NUGGC: variants seen among roughly 807,000 people sequenced by gnomAD.
The protein encoded by NUGGC is nuclear GTPase, germinal center associated, also known as nuclear GTPase SLIP-GC.
In NUGGC, 58 loss-of-function variants were observed where a neutral mutation model predicts 92.6. The observed-to-expected ratio is 0.63, with a 90% CI of 0.51 to 0.78. The LOEUF (loss-of-function observed/expected upper bound fraction) is 0.78. Ranked by LOEUF, NUGGC falls within the 30% of genes least tolerant of loss-of-function variation. The pLI is 0.00. For synonymous variants in NUGGC, 376 were observed against 366.4 expected (o/e 1.03, Z -0.30); for missense variants, 925 against 964.6 (o/e 0.96, Z 0.54).
intron 10 of NUGGC, among the ~76,000 whole-genome samples, chr8:28,047,884 C>T (rs192842108): frequency 6.6e-6 from 1 of 152,264 alleles, no homozygotes; most frequent in East Asian, 1.9e-4. Flanking sequence ...GAAAATAATT[C>T]AAAGTTGTAT....
chr8:28,061,812 C>T (rs915646283), intron 7 of NUGGC, among the ~76,000 whole-genome samples: 6 of 152,050 alleles, frequency 3.9e-5, no homozygotes, highest in African/African-American at 1.2e-4. Flanking sequence ...AAGGTAAAGG[C>T]CGAGGATGCA....
chr8:28,028,262 G>C (rs1476366459), intron 17 of NUGGC, among the ~76,000 whole-genome samples: 1 of 152,210 alleles, frequency 6.6e-6, no homozygotes, highest in Non-Finnish European at 1.5e-5. Flanking sequence ...AGTTCGGCCA[G>C]TTTCTTGTCC....
chr8:28,065,957 C>A (rs1810430755), intron 6 of NUGGC, among the ~76,000 whole-genome samples: 1 of 151,700 alleles, frequency 6.6e-6, no homozygotes, highest in Non-Finnish European at 1.5e-5. Context: ...TACAAGAGGG[C>A]TCAGCCCAAT....
Position 28,062,693 on chromosome 8 carries a change from G to T in NUGGC, c.921+1829C>A, listed in dbSNP as rs114294357. Among the ~76,000 whole-genome samples the T allele has an allele frequency of 1.9e-3, 283 of 152,324 alleles. 1 individual carries two copies. The highest frequency in any genetic ancestry group is 6.1e-3 in the African/African-American group (252 of 41,568). ...GTGGGCAGAGAATGGTCCAGCCAGC[G>T]GAAGGCCATAAGGATGCCAGGCTGG... On this transcript the variant is annotated intron_variant, in intron 7 of 18. Transcript: ENST00000413272.
chr8:28,040,420 C>A (rs575742377), intron 13 of NUGGC, among the ~76,000 whole-genome samples: 21 of 152,056 alleles, frequency 1.4e-4, no homozygotes, highest in Non-Finnish European at 2.8e-4. Flanking sequence ...TAGTAGAAAA[C>A]CAATAAATTT....
chr8:28,028,576 G>A (rs1040777979), intron 17 of NUGGC, among the ~76,000 whole-genome samples: 9 of 152,252 alleles, frequency 5.9e-5, no homozygotes, highest in Non-Finnish European at 8.8e-5. Context: ...TGGCCAGGGA[G>A]GAAGCCCACA....
Position 28,060,581 on chromosome 8 carries a change from C to G in NUGGC, c.942G>C (p.Val314=), listed in dbSNP as rs1246453826. The G allele has an allele frequency of 6.2e-7, 1 of 1,612,136 alleles. No individual in the cohort carries two copies. The highest frequency in any genetic ancestry group is 8.5e-7 in the Non-Finnish European group (1 of 1,179,322). The change falls in exon 8 of 19, where the codon GTG becomes GTC. Residue 314 remains valine, a synonymous_variant. Transcript: ENST00000413272. ...GCTCTATGTCGCTGATCACCCAGAT[C>G]ACTGAGCACTTGTCAATGGTCTGCA... ...MWKKTIDKCS[V]IWVISDIERV...
chr8:28,082,078 T>C (rs1156836510), intron 1 of NUGGC, among the ~76,000 whole-genome samples: 5 of 152,216 alleles, frequency 3.3e-5, no homozygotes, highest in East Asian at 1.9e-4. Context: ...AACCACCTCG[T>C]TGGCCACTGC....
At chr8:28,069,061 A>T (rs1406054434) in intron 4 of NUGGC, among the ~76,000 whole-genome samples, 1 of 152,214 alleles carries the variant, frequency 6.6e-6, no homozygotes, top group Non-Finnish European at 1.5e-5. Flanking sequence ...AATACAATGT[A>T]TACAGACATG....
At chr8:28,077,466 C>T (rs1414674154) in intron 1 of NUGGC, among the ~76,000 whole-genome samples, 1 of 151,326 alleles carries the variant, frequency 6.6e-6, no homozygotes, top group Non-Finnish European at 1.5e-5. Context: ...ATTTGGGAGG[C>T]TAAGATGGGA....
Position 28,078,825 on chromosome 8 carries a change from C to CA in NUGGC, c.-46-4370dup, listed in dbSNP as rs780447040. On this transcript the variant is annotated intron_variant, in intron 1 of 18. Coordinates refer to ENST00000413272, the MANE Select transcript of NUGGC (RefSeq NM_001010906.2). ...AATCATCCTGCAGTCTATTTCCCCC[C>CA]AAAGGGAAGGAATGGTGGTGTTCAT... Among the ~76,000 whole-genome samples, 7 of 152,262 alleles carry CA rather than the reference C, an allele frequency of 4.6e-5. No individual in the cohort carries two copies. In the South Asian group the frequency reaches 8.3e-4, roughly 18 times the overall value.
intron 9 of NUGGC, among the ~76,000 whole-genome samples, chr8:28,057,416 A>G (rs577986503): frequency 1.1e-4 from 16 of 145,860 alleles, no homozygotes; most frequent in South Asian, 8.5e-4. Flanking sequence ...ATCTCGGCTC[A>G]GTGCAACCTC....
chr8:28,044,103 G>T (rs776634719), intron 12 of NUGGC, among the ~76,000 whole-genome samples: 1 of 152,088 alleles, frequency 6.6e-6, no homozygotes, highest in Non-Finnish European at 1.5e-5. Context: ...CTCCCACATG[G>T]AAGTCAGGTC....
At chr8:28,057,879 T>C (rs1242335784) in intron 9 of NUGGC, among the ~76,000 whole-genome samples, 7 of 152,120 alleles carry the variant, frequency 4.6e-5, no homozygotes. Flanking sequence ...ATATCAGTCA[T>C]AAAAAGTATT....
intron 6 of NUGGC, 54 bp downstream of exon 6, chr8:28,067,460 C>A (rs1362773094): frequency 6.9e-6 from 8 of 1,165,604 alleles, no homozygotes; most frequent in Non-Finnish European, 6.3e-6. Flanking sequence ...ACAGGTTCAA[C>A]TGTTAGACTT....
chr8:28,044,909 T>C (rs959310460), intron 12 of NUGGC, among the ~76,000 whole-genome samples: 1 of 152,202 alleles, frequency 6.6e-6, no homozygotes, highest in African/African-American at 2.4e-5. Flanking sequence ...GTCTCTAATC[T>C]AGCAGCTTAT....
At chr8:28,024,290 C>A (rs1432854335) in intron 18 of NUGGC, among the ~76,000 whole-genome samples, 1 of 151,564 alleles carries the variant, frequency 6.6e-6, no homozygotes, top group African/African-American at 2.4e-5. Context: ...GTTGATACAC[C>A]CGCCTCGGCC....
At position 28,045,581 on chromosome 8, in the gene NUGGC, T is replaced by A. The variant is rs745606670; in HGVS notation, c.1392A>T (p.Glu464Asp). The stretch of plus-strand genomic sequence containing the variant: ...CTGTGAGGAGCAACAGGCCAAAGGC[T>A]TCAGTCACATACTTGGTCACTGTCC... ...KKRTVTKYVT[E>D]AFGLLLLTDS... The change falls in exon 12 of 19, where the codon GAA becomes GAT. Residue 464 changes from glutamate to aspartate, a missense_variant. Glu to Asp is a conservative substitution (Grantham distance 45, BLOSUM62 2). Coordinates refer to ENST00000413272, the MANE Select transcript of NUGGC (RefSeq NM_001010906.2). 1 of 1,613,066 alleles carries A rather than the reference T, an allele frequency of 6.2e-7. No individual in the cohort carries two copies. The highest frequency in any genetic ancestry group is 8.5e-7 in the Non-Finnish European group (1 of 1,179,762).
At chr8:28,076,509 C>T (rs968014618) in intron 1 of NUGGC, among the ~76,000 whole-genome samples, 8 of 152,200 alleles carry the variant, frequency 5.3e-5, no homozygotes, top group Non-Finnish European at 1.2e-4. Flanking sequence ...GTTGGCCAGG[C>T]TGGTCTTGAA....
Sources: gnomAD v4.1 joint callset for allele counts (sites outside exome capture counted in the v4.1 genomes callset) on GRCh38, gnomAD v4.1.1 for gene constraint, MANE v1.5 for transcripts, NCBI Gene and HGNC (gene_info 2026-07-23, HGNC 2026-07-21) for gene names.